ACADM: variants seen among roughly 807,000 people sequenced by gnomAD.
ACADM encodes acyl-CoA dehydrogenase medium chain, also known as medium-chain specific acyl-CoA dehydrogenase, mitochondrial.
Under a neutral mutation model 58.9 loss-of-function variants are expected in ACADM, and 49 were observed. That is an observed-to-expected ratio of 0.83 (90% CI 0.66 to 1.06). The LOEUF is 1.06. ACADM is among the 50% of genes least tolerant of loss of function. The pLI, the probability that ACADM is intolerant of heterozygous loss-of-function variation, is 0.00. For synonymous variants in ACADM, 160 were observed against 157.7 expected (o/e 1.01, Z -0.11); for missense variants, 496 against 507.0 (o/e 0.98, Z 0.21).
chr1:75,757,143 C>A (rs1648552994), intron 10 of ACADM, among the ~76,000 whole-genome samples: 1 of 152,138 alleles, frequency 6.6e-6, no homozygotes, highest in South Asian at 2.1e-4. Context: ...AGGACATAGA[C>A]ATGGGCAAGG....
intron 8 of ACADM, among the ~76,000 whole-genome samples, 153 bp downstream of exon 8, chr1:75,746,067 T>C (rs1252178761): frequency 6.6e-6 from 1 of 152,250 alleles, no homozygotes. Flanking sequence ...ATAGTCTATA[T>C]ACTACTGAAG....
At chr1:75,757,695 C>T (rs911750347) in intron 10 of ACADM, among the ~76,000 whole-genome samples, 1 of 152,178 alleles carries the variant, frequency 6.6e-6, no homozygotes, top group East Asian at 1.9e-4. Flanking sequence ...ACCCAGCAAT[C>T]CCATTGCTGG....
chr1:75,761,034 C>A, intron 10 of ACADM, 88 bp from the exon 11 acceptor site: 1 of 1,322,246 alleles, frequency 7.6e-7, no homozygotes, highest in South Asian at 1.3e-5. Flanking sequence ...TAGCAAGACC[C>A]CGTCACTATA....
Position 75,724,715 on chromosome 1 carries a change from G to C in ACADM, c.-73G>C. The C allele has an allele frequency of 6.6e-7, 1 of 1,522,782 alleles. No individual in the cohort carries two copies. Among genetic ancestry groups the C allele is most frequent in the Non-Finnish European group, 8.9e-7 (1 of 1,127,586 alleles). 94.3% of individuals were successfully genotyped at this position (1,522,782 alleles called of 1,614,324 possible). A position where few individuals can be genotyped will look rare whatever the true frequency, so the allele number is the denominator to read the frequency against. On this transcript the variant is annotated 5_prime_UTR_variant, in exon 1 of 12. Transcript: ENST00000370841. The stretch of plus-strand genomic sequence containing the variant: ...GGCTCCAGTGGGCGGGACCAGAGGA[G>C]TCCCGCGTTCGGGGAGTATGTCAAG...
chr1:75,725,054 T>G (rs1647027917), intron 1 of ACADM, among the ~76,000 whole-genome samples: 1 of 152,172 alleles, frequency 6.6e-6, no homozygotes, highest in East Asian at 1.9e-4. Flanking sequence ...CGGCATCCTC[T>G]CTTTAGAATA....
At chr1:75,737,278 AAATATATATATATATAT>A (rs1647302823) in intron 6 of ACADM, among the ~76,000 whole-genome samples, 1 of 78,904 alleles carries the variant, frequency 1.3e-5, no homozygotes, top group Admixed American at 1.5e-4. Context: ...ACACACACAC[AAATATATATATATATAT>A]ATATATATAT....
intron 2 of ACADM, among the ~76,000 whole-genome samples, chr1:75,730,329 T>C (rs574184659): frequency 2.0e-5 from 3 of 152,242 alleles, no homozygotes; most frequent in Admixed American, 6.5e-5. Context: ...GAGTTAGATA[T>C]AATTGTTTGG....
chr1:75,737,279 AATATATAT>A (rs368688785), intron 6 of ACADM, among the ~76,000 whole-genome samples: 440 of 43,092 alleles, frequency 0.01, 7 homozygotes, highest in South Asian at 0.014. Flanking sequence ...CACACACACA[AATATATAT>A]ATATATATAT....
intron 1 of ACADM, 124 bp downstream of exon 1, chr1:75,724,941 A>C: frequency 9.5e-7 from 1 of 1,048,312 alleles, no homozygotes; most frequent in Non-Finnish European, 1.3e-6. Context: ...GGAAGGAGCC[A>C]GCCTAGGGGC....
At position 75,744,242 on chromosome 1, in the gene ACADM, G is replaced by A. The variant is rs1227325770; in HGVS notation, c.600-1564G>A. The A allele has an allele frequency of 4.4e-6, 7 of 1,596,478 alleles. No homozygotes were observed. The Admixed American group carries it at 1.2e-4, about 27-fold the overall frequency. The stretch of plus-strand genomic sequence containing the variant: ...CACTGGTGGCATCGAGTGGGTATGG[G>A]TGCTGCATGGGGAGGAACTGCCGCT... On this transcript the variant is annotated intron_variant, in intron 7 of 11. Transcript: ENST00000370841.
chr1:75,748,030 C>A (rs4949674), intron 8 of ACADM, among the ~76,000 whole-genome samples: 36,807 of 152,010 alleles, frequency 0.24, 4,857 homozygotes, highest in Non-Finnish European at 0.3. Flanking sequence ...TTAAAACCAG[C>A]AAATTAAAGG....
intron 10 of ACADM, among the ~76,000 whole-genome samples, chr1:75,760,569 A>AAAAAAAAAAAAAAAAAAAAAAAC (rs1570909075): frequency 6.9e-6 from 1 of 145,272 alleles, no homozygotes; most frequent in Non-Finnish European, 1.5e-5. Context: ...AAAAAAAAAA[A>AAAAAAAAAAAAAAAAAAAAAAAC]AAAAAAAAAA....
At chr1:75,758,502 C>A (rs1648633762) in intron 10 of ACADM, among the ~76,000 whole-genome samples, 1 of 152,200 alleles carries the variant, frequency 6.6e-6, no homozygotes, top group East Asian at 1.9e-4. Flanking sequence ...CAAACCCTGT[C>A]CTCTTGAGAG....
intron 6 of ACADM, among the ~76,000 whole-genome samples, chr1:75,737,238 G>A (rs1647298668): frequency 1.5e-5 from 2 of 135,780 alleles, no homozygotes; most frequent in African/African-American, 5.5e-5. Context: ...TTCAAGACCA[G>A]CCTGGACAAC....
intron 6 of ACADM, among the ~76,000 whole-genome samples, chr1:75,739,279 T>C (rs1417338422): frequency 1.3e-5 from 2 of 152,236 alleles, no homozygotes; most frequent in African/African-American, 4.8e-5. Flanking sequence ...AGTATAGTTA[T>C]TTATCTTCAC....
chr1:75,752,038 G>T (rs183299345), intron 10 of ACADM, among the ~76,000 whole-genome samples: 3 of 147,858 alleles, frequency 2.0e-5, no homozygotes, highest in Non-Finnish European at 4.4e-5. Context: ...GCCCAAATGC[G>T]AGTGCAATGG....
In ACADM at chr1:75,762,841, G is replaced by GT. The variant is rs1648931634; in HGVS notation, c.*84dup. On this transcript the variant is annotated 3_prime_UTR_variant, in exon 12 of 12. Transcript: ENST00000370841. ...TCCAGAAAAAAGAAAGGGCTTTAAC[G>GT]TTTTTTCCAGTGAAAACAAATCCTC... is the stretch of plus-strand genomic sequence containing the variant. 1 of 850,280 alleles carries GT rather than the reference G, an allele frequency of 1.2e-6. No homozygotes were observed. Among genetic ancestry groups the GT allele is most frequent in the East Asian group, 2.6e-5 (1 of 38,626 alleles). The allele number at this position is 850,280 out of a possible 1,614,324, so 52.7% of individuals were successfully genotyped here.
intron 6 of ACADM, among the ~76,000 whole-genome samples, chr1:75,735,177 G>A (rs145027126): frequency 1.0e-3 from 155 of 152,042 alleles, no homozygotes; most frequent in African/African-American, 3.6e-3. Context: ...TTAACCAGGC[G>A]TGATGGCGCC....
chr1:75,750,783 CTG>C lies in ACADM; in HGVS notation c.945+239_945+240del, dbSNP rs138608745. On this transcript the variant is annotated intron_variant, in intron 10 of 11. Transcript: ENST00000370841. ...TTTTTTTTTGAGATGGAGTCTCGCT[CTG>C]TTGCTCAGGCTAGAGTGCAGTGGCA... 0.28 allele frequency: 146,772 copies of C among 518,256 alleles called. 22,564 individuals are homozygous for C. Among genetic ancestry groups the C allele is most frequent in the Non-Finnish European group, 0.32 (93,083 of 288,582 alleles). 32.1% of individuals were successfully genotyped at this position (518,256 alleles called of 1,614,324 possible).
Sources: gnomAD v4.1 joint callset for allele counts (sites outside exome capture counted in the v4.1 genomes callset) on GRCh38, gnomAD v4.1.1 for gene constraint, MANE v1.5 for transcripts, NCBI Gene and HGNC (gene_info 2026-07-23, HGNC 2026-07-21) for gene names.